The following SGSM3 variants were observed in gnomAD, a reference collection of about 807,000 sequenced individuals.
SGSM3 encodes small G protein signaling modulator 3.
In SGSM3, 96 loss-of-function variants were observed where a neutral mutation model predicts 100.5. That is an observed-to-expected ratio of 0.96 (90% CI 0.81 to 1.13). The LOEUF is 1.13. SGSM3 is among the 50% of genes most tolerant of loss of function. SGSM3 has a pLI of 0.00. For missense variants in SGSM3, 1,001 were observed against 1,015.8 expected (o/e 0.99, Z 0.20); for synonymous variants, 483 against 422.8 (o/e 1.14, Z -1.75).
chr22:40,398,013 G>A (rs2050262990), intron 1 of SGSM3, among the ~76,000 whole-genome samples: 1 of 145,884 alleles, frequency 6.9e-6, no homozygotes, highest in Admixed American at 6.9e-5. Flanking sequence ...CTGTCACCAG[G>A]CTGGAATGCA....
chr22:40,395,276 A>ACT (rs1324146776), intron 1 of SGSM3, among the ~76,000 whole-genome samples: 11 of 152,072 alleles, frequency 7.2e-5, no homozygotes, highest in Non-Finnish European at 1.3e-4. Flanking sequence ...TCACCTACTT[A>ACT]ACAGCTCCAC....
rs569656869 is a variant in SGSM3 at position 40,393,742 on chromosome 22, GCCT to G, written c.-111-6953_-111-6951del. 1.2e-4 allele frequency among the ~76,000 whole-genome samples: 18 copies of G among 152,286 alleles called. No homozygotes were observed. The East Asian group carries it at 3.5e-3, about 29-fold the overall frequency. ...TCGGAAGTCCAAGCGTTTGTTGAGG[GCCT>G]TCTTGCTGCATCCTAATATGGCAGA... On this transcript the variant is annotated intron_variant, in intron 1 of 21. Coordinates refer to ENST00000248929, the MANE Select transcript of SGSM3 (RefSeq NM_015705.6).
chr22:40,387,081 G>GT, intron 1 of SGSM3: 1 of 395,146 alleles, frequency 2.5e-6, no homozygotes, highest in East Asian at 3.6e-5. Flanking sequence ...GATAACTAGA[G>GT]TTGTGCTAGT....
In SGSM3 at chr22:40,409,380, C is replaced by T. The variant is rs368650812; in HGVS notation, c.2111+8C>T. On this transcript the variant is annotated splice_region_variant and intron_variant, in intron 20 of 21. Transcript: ENST00000248929. ...GATCAAGTGTGAGCTCCGGTGAGGA[C>T]CTTACTGGGCTTGGGGGATGGAGGT... is the stretch of plus-strand genomic sequence containing the variant. The T allele has an allele frequency of 6.3e-7, 1 of 1,590,534 alleles. No homozygotes were observed. The highest frequency in any genetic ancestry group is 1.3e-5 in the African/African-American group (1 of 74,198).
At chr22:40,377,027 C>G (rs2046745584) in intron 1 of SGSM3, among the ~76,000 whole-genome samples, 1 of 152,176 alleles carries the variant, frequency 6.6e-6, no homozygotes, top group African/African-American at 2.4e-5. Context: ...AGCATGTGTG[C>G]AGACAGTGCC....
chr22:40,390,879 A>G (rs1181513412), intron 1 of SGSM3, among the ~76,000 whole-genome samples: 2 of 152,204 alleles, frequency 1.3e-5, no homozygotes, highest in African/African-American at 4.8e-5. Context: ...CGTGTTGTAC[A>G]TCGGGACCTT....
In SGSM3 at chr22:40,410,006, G is replaced by T; in HGVS notation, c.*247G>T. The T allele has an allele frequency of 7.5e-7, 1 of 1,338,336 alleles. No homozygotes were observed. The highest frequency in any genetic ancestry group is 9.5e-7 in the Non-Finnish European group (1 of 1,050,782). The allele number at this position is 1,338,336 out of a possible 1,614,324, so 82.9% of individuals were successfully genotyped here. On this transcript the variant is annotated 3_prime_UTR_variant, in exon 22 of 22. Transcript: ENST00000248929. ...TGTACCAAAAACCTTGTGAGGAGGT[G>T]GGGGAGCCATGTCTGTGCTCAGGAA...
rs2051562113 is a variant in SGSM3 at position 40,406,596 on chromosome 22, C to T, written c.1119C>T (p.His373=). The T allele has an allele frequency of 1.9e-6, 3 of 1,612,582 alleles. No homozygotes were observed. Among genetic ancestry groups the T allele is most frequent in the East Asian group, 2.2e-5 (1 of 44,856 alleles). ...CCGTGGAGACTCAGCGCCGCAAGCACCTGGCCTATCTCATTGCAGACCAGG... is the reference window on the plus strand; with the variant it reads ...CCGTGGAGACTCAGCGCCGCAAGCATCTGGCCTATCTCATTGCAGACCAGG... ...DVAVETQRRK[H]LAYLIADQGQ... The change falls in exon 10 of 22, where the codon CAC becomes CAT. Residue 373 remains histidine (H), a synonymous_variant. Coordinates refer to ENST00000248929, the MANE Select transcript of SGSM3 (RefSeq NM_015705.6).
At chr22:40,379,888 T>G (rs1201292431) in intron 1 of SGSM3, among the ~76,000 whole-genome samples, 1 of 152,102 alleles carries the variant, frequency 6.6e-6, no homozygotes, top group Non-Finnish European at 1.5e-5. Context: ...TTTTGTATTT[T>G]TTTGTAGAGA....
At chr22:40,387,806 A>T (rs2048715087) in intron 1 of SGSM3, among the ~76,000 whole-genome samples, 1 of 152,172 alleles carries the variant, frequency 6.6e-6, no homozygotes, top group Non-Finnish European at 1.5e-5. Context: ...TAACCAGATT[A>T]CTGTGGATGA....
intron 4 of SGSM3, 30 bp downstream of exon 4, chr22:40,402,235 T>C: frequency 6.4e-7 from 1 of 1,569,054 alleles, no homozygotes; most frequent in Non-Finnish European, 8.8e-7. Context: ...GTGTGTCATC[T>C]TGCTGATGTT....
At chr22:40,380,648 T>C (rs2047418521) in intron 1 of SGSM3, among the ~76,000 whole-genome samples, 2 of 152,136 alleles carry the variant, frequency 1.3e-5, no homozygotes, top group South Asian at 4.1e-4. Flanking sequence ...TATAACTTTA[T>C]AATCATAAAA....
At chr22:40,406,409 T>C (rs751884840) in intron 9 of SGSM3, 29 bp from the exon 10 acceptor site, 9 of 1,536,396 alleles carry the variant, frequency 5.9e-6, no homozygotes, top group Middle Eastern at 4.3e-4. Flanking sequence ...GACAACCTTC[T>C]TCCCCCATCC....
chr22:40,378,686 C>G (rs1569138533), intron 1 of SGSM3, among the ~76,000 whole-genome samples: 1 of 152,016 alleles, frequency 6.6e-6, no homozygotes, highest in South Asian at 2.1e-4. Flanking sequence ...AGATCACACA[C>G]TGCACTCCAG....
At chr22:40,374,996 T>C (rs1286245594) in intron 1 of SGSM3, among the ~76,000 whole-genome samples, 19 of 152,258 alleles carry the variant, frequency 1.2e-4, no homozygotes. Flanking sequence ...GTTTGAATGC[T>C]ACATATATAA....
chr22:40,403,741 T>C (rs1443178073), intron 4 of SGSM3, among the ~76,000 whole-genome samples: 1 of 152,036 alleles, frequency 6.6e-6, no homozygotes, highest in African/African-American at 2.4e-5. Context: ...TGACTTGCAT[T>C]TTGGAAGGGT....
chr22:40,387,501 A>G (rs746597159), intron 1 of SGSM3: 5 of 296,016 alleles, frequency 1.7e-5, no homozygotes, highest in Non-Finnish European at 2.5e-5. Flanking sequence ...CTAATCTCCT[A>G]TGTTAATATA....
At chr22:40,372,522 T>C (rs1004947510) in intron 1 of SGSM3, 1 of 152,130 alleles carries the variant, frequency 6.6e-6, no homozygotes, top group East Asian at 1.9e-4. Context: ...ACATAACCCA[T>C]GACCAGAACA....
intron 1 of SGSM3, among the ~76,000 whole-genome samples, chr22:40,391,979 T>A (rs1055636486): frequency 6.6e-6 from 1 of 152,210 alleles, no homozygotes; most frequent in Non-Finnish European, 1.5e-5. Context: ...AATAGCTTTT[T>A]TCCCCCTTAG....
Sources: gnomAD v4.1 joint callset for allele counts (sites outside exome capture counted in the v4.1 genomes callset) on GRCh38, gnomAD v4.1.1 for gene constraint, MANE v1.5 for transcripts, NCBI Gene and HGNC (gene_info 2026-07-23, HGNC 2026-07-21) for gene names.